The following NALF1 variants were observed in gnomAD, a reference collection of about 807,000 sequenced individuals.
The protein encoded by NALF1 is NALCN channel auxiliary factor 1, also known as family with sequence similarity 155 member A.
A neutral mutation model predicts 48.4 loss-of-function variants in NALF1; 3 were observed. That is an observed-to-expected ratio of 0.06 (90% confidence interval 0.03 to 0.16). The LOEUF (loss-of-function observed/expected upper bound fraction) is 0.16. Among genes scored for constraint, NALF1 ranks in the 10% least tolerant of loss-of-function variants. The pLI is 1.00. For synonymous variants in NALF1, 262 were observed against 245.7 expected (o/e 1.07, Z -0.62); for missense variants, 526 against 571.5 (o/e 0.92, Z 0.81).
intron 1 of NALF1, among the ~76,000 whole-genome samples, chr13:107,628,634 A>G (rs960035003): frequency 6.6e-6 from 1 of 152,208 alleles, no homozygotes; most frequent in African/African-American, 2.4e-5. Flanking sequence ...CATTGTCTTA[A>G]GCAATGCCGC....
intron 1 of NALF1, among the ~76,000 whole-genome samples, chr13:107,279,381 G>A (rs760586812): frequency 5.9e-5 from 9 of 151,902 alleles, no homozygotes; most frequent in African/African-American, 2.2e-4. Context: ...TCAGCCTCCC[G>A]AGTAGCTGGA....
At chr13:107,340,244 G>GTTTT (rs1319835623) in intron 1 of NALF1, among the ~76,000 whole-genome samples, 5 of 150,442 alleles carry the variant, frequency 3.3e-5, no homozygotes, top group Middle Eastern at 3.4e-3. Context: ...GGGTTCAAGC[G>GTTTT]ATTCTCCTGC....
At chr13:107,810,051 C>T (rs1242611658) in intron 1 of NALF1, among the ~76,000 whole-genome samples, 3 of 152,130 alleles carry the variant, frequency 2.0e-5, no homozygotes, top group Non-Finnish European at 4.4e-5. Context: ...ACTATTTCAT[C>T]TAGCTTTCTT....
chr13:107,657,755 G>T (rs1407022254), intron 1 of NALF1, among the ~76,000 whole-genome samples: 1 of 152,152 alleles, frequency 6.6e-6, no homozygotes, highest in African/African-American at 2.4e-5. Flanking sequence ...CGAGGTATAT[G>T]CATAAAACTG....
At chr13:107,774,621 T>A (rs2138572916) in intron 1 of NALF1, among the ~76,000 whole-genome samples, 1 of 152,366 alleles carries the variant, frequency 6.6e-6, no homozygotes, top group Non-Finnish European at 1.5e-5. Context: ...AGTTCCATAA[T>A]TTATCCAGCA....
At chr13:107,179,156 T>C (rs1879007949) in intron 2 of NALF1, among the ~76,000 whole-genome samples, 1 of 151,930 alleles carries the variant, frequency 6.6e-6, no homozygotes, top group African/African-American at 2.4e-5. Flanking sequence ...GTGGTACATA[T>C]ACTTCATGGA....
intron 1 of NALF1, among the ~76,000 whole-genome samples, chr13:107,483,290 A>G (rs1885281701): frequency 6.6e-6 from 1 of 152,194 alleles, no homozygotes; most frequent in Non-Finnish European, 1.5e-5. Context: ...CGTGATTCAA[A>G]GACAACTTTA....
chr13:107,843,930 T>C (rs1041848544), intron 1 of NALF1, among the ~76,000 whole-genome samples: 5 of 152,162 alleles, frequency 3.3e-5, no homozygotes, highest in East Asian at 1.9e-4. Context: ...GCAAATGCTA[T>C]TGCTTCCAAA....
At chr13:107,475,902 T>C (rs1203466039) in intron 1 of NALF1, among the ~76,000 whole-genome samples, 1 of 152,036 alleles carries the variant, frequency 6.6e-6, no homozygotes. Flanking sequence ...ATTTCCCTCT[T>C]TTTTTCCCCA....
intron 1 of NALF1, among the ~76,000 whole-genome samples, chr13:107,469,424 T>C (rs946331318): frequency 4.1e-4 from 63 of 152,262 alleles, no homozygotes; most frequent in African/African-American, 1.1e-3. Flanking sequence ...GTCCACCATG[T>C]GGTTGTAAAG....
At chr13:107,612,397 T>C (rs1879255064) in intron 1 of NALF1, among the ~76,000 whole-genome samples, 1 of 151,934 alleles carries the variant, frequency 6.6e-6, no homozygotes, top group Admixed American at 6.5e-5. Flanking sequence ...TTAAATGTGA[T>C]TGGGGGTGTG....
At chr13:107,313,027 G>C (rs924134272) in intron 1 of NALF1, among the ~76,000 whole-genome samples, 1 of 152,150 alleles carries the variant, frequency 6.6e-6, no homozygotes, top group South Asian at 2.1e-4. Flanking sequence ...GAATAAACTA[G>C]AGAAGTAGTT....
intron 1 of NALF1, among the ~76,000 whole-genome samples, chr13:107,365,328 T>C (rs1459766277): frequency 6.6e-6 from 1 of 152,000 alleles, no homozygotes; most frequent in Non-Finnish European, 1.5e-5. Context: ...TCCTGCTTAA[T>C]TAATTTGGAG....
intron 1 of NALF1, among the ~76,000 whole-genome samples, chr13:107,257,046 C>T (rs754788112): frequency 2.6e-5 from 4 of 151,994 alleles, no homozygotes; most frequent in East Asian, 1.9e-4. Flanking sequence ...AAAATTACGG[C>T]GGAAGGGGAG....
intron 1 of NALF1, among the ~76,000 whole-genome samples, chr13:107,797,603 T>A (rs540472049): frequency 6.6e-6 from 1 of 152,342 alleles, no homozygotes; most frequent in Admixed American, 6.5e-5. Flanking sequence ...GAGTCAGTGT[T>A]CTGGGCACTG....
intron 1 of NALF1, among the ~76,000 whole-genome samples, chr13:107,262,767 G>GCGCTCT (rs1880955757): frequency 2.3e-5 from 1 of 43,024 alleles, no homozygotes; most frequent in Non-Finnish European, 4.8e-5. Flanking sequence ...TAACCCACAG[G>GCGCTCT]CGCTCTCTCT....
intron 1 of NALF1, among the ~76,000 whole-genome samples, chr13:107,295,167 T>C (rs1881701958): frequency 6.6e-6 from 1 of 152,154 alleles, no homozygotes; most frequent in African/African-American, 2.4e-5. Context: ...TAGTTCCTGG[T>C]GTCTCTTGTG....
chr13:107,655,700 C>G (rs1880557608), intron 1 of NALF1, among the ~76,000 whole-genome samples: 2 of 151,748 alleles, frequency 1.3e-5, no homozygotes, highest in African/African-American at 4.8e-5. Flanking sequence ...GCCTACATAA[C>G]CAAAGCAAGA....
intron 1 of NALF1, among the ~76,000 whole-genome samples, chr13:107,728,516 A>C (rs897503889): frequency 4.0e-5 from 6 of 150,966 alleles, no homozygotes; most frequent in Non-Finnish European, 8.8e-5. Context: ...GGAACACCAC[A>C]CACCGGGGTC....
Sources: allele counts gnomAD v4.1 joint callset (sites outside exome capture counted in the v4.1 genomes callset), GRCh38; gene constraint gnomAD v4.1.1; transcripts MANE v1.5; gene names NCBI Gene and HGNC (gene_info 2026-07-23, HGNC 2026-07-21).